Variants in CDH2 observed in about 807,000 individuals in gnomAD.
CDH2 encodes the protein cadherin-2.
A neutral mutation model predicts 92.0 loss-of-function variants in CDH2; 17 were observed. The ratio of observed to expected loss-of-function variants is 0.18; its 90% CI spans 0.13 to 0.28. The LOEUF (loss-of-function observed/expected upper bound fraction) is 0.28, where lower values mean the gene tolerates loss of function less well. Among genes scored for constraint, CDH2 ranks in the 10% least tolerant of loss-of-function variants. CDH2 has a pLI of 1.00. For synonymous variants in CDH2, 419 were observed against 415.9 expected, an observed-to-expected ratio of 1.01 and a Z score of -0.09; for missense variants, 862 against 1,133.1, an observed-to-expected ratio of 0.76 and a Z score of 3.44.
At chr18:27,994,998 C>T (rs745855254) in intron 7 of CDH2, among the ~76,000 whole-genome samples, 2 of 152,106 alleles carry the variant, frequency 1.3e-5, no homozygotes, top group Non-Finnish European at 2.9e-5. Context: ...TCTTAACCCA[C>T]AGTACCTCAC....
At chr18:28,015,556 C>A (rs549184565) in intron 2 of CDH2, among the ~76,000 whole-genome samples, 1 of 151,940 alleles carries the variant, frequency 6.6e-6, no homozygotes, top group Non-Finnish European at 1.5e-5. Context: ...TAAATCAAAA[C>A]GAGACTTTTG....
At chr18:28,123,349 A>G (rs1388516263) in intron 2 of CDH2, among the ~76,000 whole-genome samples, 1 of 152,158 alleles carries the variant, frequency 6.6e-6, no homozygotes, top group Non-Finnish European at 1.5e-5. Context: ...CATGCTGCTA[A>G]CCTGCAGGCG....
rs17494255 is a variant in CDH2, at chr18:28,066,315, G to C, written c.173-52406C>G. Among the ~76,000 whole-genome samples, 446 of 152,212 alleles carry C rather than the reference G, an allele frequency of 2.9e-3. 2 individuals are homozygous for C. Among genetic ancestry groups the C allele is most frequent in the African/African-American group, 0.01 (424 of 41,538 alleles). ...CTTCAAAATGCAAATATTTCATAAA[G>C]AGAAACACTGATTTTACATTATTAA... On this transcript the variant is annotated intron_variant, in intron 2 of 15. Transcript: ENST00000269141.
intron 2 of CDH2, among the ~76,000 whole-genome samples, chr18:28,102,728 TACTTG>T (rs1425658759): frequency 2.0e-5 from 3 of 152,136 alleles, no homozygotes; most frequent in South Asian, 2.1e-4. Flanking sequence ...AGGCCTTATT[TACTTG>T]ACTTATTTGT....
intron 2 of CDH2, among the ~76,000 whole-genome samples, chr18:28,064,553 A>G (rs2014469351): frequency 6.6e-6 from 1 of 152,156 alleles, no homozygotes; most frequent in South Asian, 2.1e-4. Context: ...AAGAAAAAAT[A>G]AAAAATAAAA....
rs563796678 is a variant in CDH2 at position 28,050,247 on chromosome 18, C to A, written c.173-36338G>T. On this transcript the variant is annotated intron_variant, in intron 2 of 15. Transcript: ENST00000269141. ...ACAACACATCATCACAAATAGAGCCCATTTTTAATTAAATGGTATAGGGTA... is the reference window on the plus strand; with the variant it reads ...ACAACACATCATCACAAATAGAGCCAATTTTTAATTAAATGGTATAGGGTA... Among the ~76,000 whole-genome samples the A allele has an allele frequency of 2.0e-5, 3 of 152,210 alleles. No homozygotes were observed. The South Asian group carries it at 6.2e-4, about 32-fold the overall frequency.
At chr18:27,955,624 A>C (rs1373416226) in intron 15 of CDH2, among the ~76,000 whole-genome samples, 4 of 151,938 alleles carry the variant, frequency 2.6e-5, no homozygotes, top group Admixed American at 2.6e-4. Flanking sequence ...TCCTTAAAAT[A>C]AATATAATGC....
chr18:28,075,103 C>T (rs1429296242), intron 2 of CDH2, among the ~76,000 whole-genome samples: 2 of 152,100 alleles, frequency 1.3e-5, no homozygotes, highest in African/African-American at 2.4e-5. Context: ...TTTCTTTCAG[C>T]ACCTTTATTC....
intron 4 of CDH2, among the ~76,000 whole-genome samples, chr18:28,011,176 T>C (rs527720649): frequency 6.6e-6 from 1 of 152,054 alleles, no homozygotes; most frequent in Non-Finnish European, 1.5e-5. Flanking sequence ...TTTTAATAAG[T>C]GGGAATACAG....
chr18:28,007,736 T>C (rs190668103), intron 5 of CDH2, among the ~76,000 whole-genome samples: 2 of 152,280 alleles, frequency 1.3e-5, no homozygotes, highest in East Asian at 1.9e-4. Context: ...TTGTTTTTTT[T>C]GTGAGATGCA....
intron 15 of CDH2, chr18:27,954,527 C>G (rs1909616140): frequency 6.6e-6 from 1 of 152,344 alleles, no homozygotes; most frequent in African/African-American, 2.4e-5. Flanking sequence ...GGAGAATGGC[C>G]TGCTCCAGAT....
At position 28,040,431 on chromosome 18, in the gene CDH2, AG is replaced by A. The variant is rs144224620; in HGVS notation, c.173-26523del. ...CAAAGTAATTAAGTCACTTCCAAGT[AG>A]GTAAAATTCCATGAACAGACAATGT... On this transcript the variant is annotated intron_variant, in intron 2 of 15. Coordinates refer to ENST00000269141, the MANE Select transcript of CDH2 (RefSeq NM_001792.5). Among the ~76,000 whole-genome samples, 1,349 of 152,332 alleles carry A rather than the reference AG, an allele frequency of 8.9e-3. 29 individuals carry two copies. Among genetic ancestry groups the A allele is most frequent in the African/African-American group, 0.031 (1,291 of 41,578 alleles).
At chr18:28,026,959 T>C (rs549663356) in intron 2 of CDH2, among the ~76,000 whole-genome samples, 1 of 152,198 alleles carries the variant, frequency 6.6e-6, no homozygotes, top group African/African-American at 2.4e-5. Context: ...ACATATCACT[T>C]TACAGCAGAA....
rs775953547 is a variant in CDH2 at position 27,993,496 on chromosome 18, T to C, written c.1158+4A>G. On this transcript the variant is annotated splice_donor_region_variant and intron_variant, in intron 8 of 15. Transcript: ENST00000269141. ...AAGTTGTGTGAGTGACAGGCTGTACTCACCGTCATGGCAGTAAACTCTGGA... is the reference window on the plus strand; with the variant it reads ...AAGTTGTGTGAGTGACAGGCTGTACCCACCGTCATGGCAGTAAACTCTGGA... 45 of 1,613,462 alleles carry C rather than the reference T, an allele frequency of 2.8e-5. No individual in the cohort carries two copies. The South Asian group carries it at 4.9e-4, about 18-fold the overall frequency.
chr18:27,963,370 T>C lies in CDH2; in HGVS notation c.2501A>G (p.Asp834Gly). 1 of 1,614,016 alleles carries C rather than the reference T, an allele frequency of 6.2e-7. No homozygotes were observed. The highest frequency in any genetic ancestry group is 8.5e-7 in the Non-Finnish European group (1 of 1,179,998). The stretch of plus-strand genomic sequence containing the variant: ...GTCTCTCTGTACCTCATTAATGAAG[T>C]CCCCAATGTCTCCAGGGTGTGGGGC... ...SAAPHPGDIG[D>G]FINEGLKAAD... Residue 834 changes from aspartate to glycine, a missense_variant, in exon 15 of 16, where the codon GAC becomes GGC. Asp to Gly is a moderately conservative substitution (Grantham distance 94, BLOSUM62 -1). This residue lies in a region of CDH2 where 114 missense variants were observed against 144.8 expected (regional missense o/e 0.79). Transcript: ENST00000269141.
chr18:28,132,807 T>G (rs917236454), intron 2 of CDH2, among the ~76,000 whole-genome samples: 2 of 152,180 alleles, frequency 1.3e-5, no homozygotes, highest in Non-Finnish European at 2.9e-5. Flanking sequence ...GTCAGCTTCA[T>G]CCTTATCATC....
At chr18:27,988,810 A>G in intron 10 of CDH2, 144 bp from the exon 11 acceptor site, 1 of 648,108 alleles carries the variant, frequency 1.5e-6, no homozygotes, top group East Asian at 2.8e-5. Context: ...AGGAAAAAGT[A>G]TTTTTGTGAC....
At chr18:27,999,525 G>A (rs1466770781) in intron 7 of CDH2, among the ~76,000 whole-genome samples, 5 of 152,104 alleles carry the variant, frequency 3.3e-5, no homozygotes, top group Non-Finnish European at 7.4e-5. Flanking sequence ...ATCTTATGAA[G>A]AGGAGTAAAG....
At chr18:27,954,444 A>G (rs1169097228) in intron 15 of CDH2, 1 of 152,254 alleles carries the variant, frequency 6.6e-6, no homozygotes, top group African/African-American at 2.4e-5. Context: ...AGTAGCTGTG[A>G]AAAGTACCCG....
Sources: gnomAD v4.1 joint callset for allele counts (sites outside exome capture counted in the v4.1 genomes callset) on GRCh38, gnomAD v4.1.1 for gene constraint, gnomAD v4.1.1 regional missense constraint, MANE v1.5 for transcripts, NCBI Gene and HGNC (gene_info 2026-07-23, HGNC 2026-07-21) for gene names.